The following TAFA5 variants were observed in gnomAD, a reference collection of about 807,000 sequenced individuals.
TAFA5 encodes chemokine-like protein TAFA-5.
Under a neutral mutation model 15.3 loss-of-function variants are expected in TAFA5, and 6 were observed. The ratio of observed to expected loss-of-function variants is 0.39; its 90% CI spans 0.21 to 0.77. The LOEUF (loss-of-function observed/expected upper bound fraction) is 0.77, where lower values mean the gene tolerates loss of function less well. TAFA5 is among the 30% of genes least tolerant of loss of function. TAFA5 has a pLI of 0.41. For synonymous variants in TAFA5, 103 were observed against 80.7 expected (o/e 1.28, Z -1.48); for missense variants, 161 against 193.1 (o/e 0.83, Z 0.98).
At chr22:48,629,066 C>T (rs1926121893) in intron 1 of TAFA5, among the ~76,000 whole-genome samples, 2 of 152,196 alleles carry the variant, frequency 1.3e-5, no homozygotes, top group African/African-American at 4.8e-5. Flanking sequence ...GGCCCCTCCG[C>T]AGGCCCTGCC....
At chr22:48,728,978 A>G (rs912725720) in intron 3 of TAFA5, among the ~76,000 whole-genome samples, 1 of 152,174 alleles carries the variant, frequency 6.6e-6, no homozygotes, top group Non-Finnish European at 1.5e-5. Flanking sequence ...AGCAAAGGAA[A>G]AATTATTCAC....
chr22:48,745,310 C>A (rs559546065), intron 3 of TAFA5, among the ~76,000 whole-genome samples: 1 of 149,130 alleles, frequency 6.7e-6, no homozygotes, highest in Non-Finnish European at 1.5e-5. Context: ...TTGTCGTCGG[C>A]GGCTGGCCTG....
chr22:48,582,036 G>A (rs1189902633), intron 1 of TAFA5, among the ~76,000 whole-genome samples: 1 of 152,178 alleles, frequency 6.6e-6, no homozygotes, highest in Admixed American at 6.5e-5. Flanking sequence ...GGGCTCCTTT[G>A]AGACCAACCA....
chr22:48,732,641 C>T (rs1027029482), intron 3 of TAFA5, among the ~76,000 whole-genome samples: 8 of 152,150 alleles, frequency 5.3e-5, no homozygotes, highest in African/African-American at 1.9e-4. Flanking sequence ...TCGAATATTC[C>T]ATAGGCCTAG....
intron 1 of TAFA5, among the ~76,000 whole-genome samples, chr22:48,521,417 G>A (rs948198342): frequency 2.2e-4 from 33 of 151,626 alleles, no homozygotes; most frequent in Non-Finnish European, 2.2e-4. Context: ...ACTTTTGCTC[G>A]CCTTTGCTTC....
chr22:48,591,132 ATG>A (rs1924552936), intron 1 of TAFA5, among the ~76,000 whole-genome samples: 2 of 152,200 alleles, frequency 1.3e-5, no homozygotes, highest in African/African-American at 4.8e-5. Context: ...TTTGTTCTTA[ATG>A]CACTAATTTA....
chr22:48,717,708 G>A (rs1929444949), intron 3 of TAFA5, among the ~76,000 whole-genome samples: 1 of 152,188 alleles, frequency 6.6e-6, no homozygotes, highest in Non-Finnish European at 1.5e-5. Flanking sequence ...TGCTTCCCAG[G>A]GACCACAGAG....
rs1217842997 is a variant in TAFA5, at chr22:48,560,212, C to T, written c.112+70508C>T. On this transcript the variant is annotated intron_variant, in intron 1 of 3. Coordinates refer to ENST00000402357, the MANE Select transcript of TAFA5 (RefSeq NM_001082967.3). This position sits in a 1 kb window ranked among gnomAD's most constrained non-coding sequence, Gnocchi z 4.2. ...TAACGGGAGCCTGTCAGTTTCTGGG[C>T]GGGGGTGTGATGTGGCTGAGGCGTC... 1.3e-5 allele frequency among the ~76,000 whole-genome samples: 2 copies of T among 152,180 alleles called. No homozygotes were observed. The highest frequency in any genetic ancestry group is 4.8e-5 in the African/African-American group (2 of 41,440).
At chr22:48,586,314 G>T (rs187328495) in intron 1 of TAFA5, among the ~76,000 whole-genome samples, 1 of 152,264 alleles carries the variant, frequency 6.6e-6, no homozygotes, top group Non-Finnish European at 1.5e-5. Context: ...TGCATCACCC[G>T]TCTTGCAGGT....
At chr22:48,527,150 G>A (rs1332205645) in intron 1 of TAFA5, among the ~76,000 whole-genome samples, 1 of 152,248 alleles carries the variant, frequency 6.6e-6, no homozygotes, top group Non-Finnish European at 1.5e-5. Context: ...AATTGACCAG[G>A]CCATGTGGTT....
At chr22:48,707,890 T>G (rs1229643058) in intron 3 of TAFA5, 46 bp downstream of exon 3, 1 of 1,593,868 alleles carries the variant, frequency 6.3e-7, no homozygotes, top group East Asian at 2.2e-5. Context: ...GGAGGGGGTA[T>G]GTGTGTGCGG....
intron 1 of TAFA5, among the ~76,000 whole-genome samples, chr22:48,568,519 TG>T (rs1923479777): frequency 6.6e-6 from 1 of 152,216 alleles, no homozygotes. Flanking sequence ...CACAACAGTG[TG>T]TCCCAGAGGT....
At chr22:48,705,254 G>T (rs1929043559) in intron 2 of TAFA5, among the ~76,000 whole-genome samples, 1 of 152,104 alleles carries the variant, frequency 6.6e-6, no homozygotes, top group Non-Finnish European at 1.5e-5. Flanking sequence ...GGTGGGGTGG[G>T]GCAGGACTGG....
chr22:48,587,173 G>A (rs1924391884), intron 1 of TAFA5, among the ~76,000 whole-genome samples: 1 of 152,202 alleles, frequency 6.6e-6, no homozygotes, highest in South Asian at 2.1e-4. Context: ...CCTTCCTCCT[G>A]AATTTGGGGT....
At chr22:48,491,338 G>A (rs925512761) in intron 1 of TAFA5, among the ~76,000 whole-genome samples, 3 of 152,178 alleles carry the variant, frequency 2.0e-5, no homozygotes, top group African/African-American at 4.8e-5. Flanking sequence ...GGAAGAGGAG[G>A]CATTTGAATG....
chr22:48,607,704 G>A (rs1233782916), intron 1 of TAFA5, among the ~76,000 whole-genome samples: 2 of 152,224 alleles, frequency 1.3e-5, no homozygotes, highest in African/African-American at 4.8e-5. Flanking sequence ...TGTTGCCTGG[G>A]AGATTCTGAG....
At chr22:48,557,610 C>T (rs1923086194) in intron 1 of TAFA5, among the ~76,000 whole-genome samples, 1 of 152,212 alleles carries the variant, frequency 6.6e-6, no homozygotes, top group African/African-American at 2.4e-5. Context: ...GCATTGCAGG[C>T]ACTCCACTGA....
chr22:48,524,164 G>T (rs548912319), intron 1 of TAFA5, among the ~76,000 whole-genome samples: 29 of 152,322 alleles, frequency 1.9e-4, no homozygotes, highest in African/African-American at 7.0e-4. Context: ...TCCTTTGTGC[G>T]GCTGGCAGCC....
At chr22:48,664,345 C>T (rs1927542462) in intron 2 of TAFA5, among the ~76,000 whole-genome samples, 1 of 152,112 alleles carries the variant, frequency 6.6e-6, no homozygotes, top group Non-Finnish European at 1.5e-5. Flanking sequence ...TAAATGTAGT[C>T]GTGTCTCGTG....
Sources: allele counts gnomAD v4.1 joint callset (sites outside exome capture counted in the v4.1 genomes callset), GRCh38; gene constraint gnomAD v4.1.1; non-coding constraint Gnocchi (gnomAD v3.1); transcripts MANE v1.5; gene names NCBI Gene and HGNC (gene_info 2026-07-23, HGNC 2026-07-21).